POLR3A: variants seen among roughly 807,000 people sequenced by gnomAD.
The protein encoded by POLR3A is DNA-directed RNA polymerase III subunit RPC1.
POLR3A carries 112 observed loss-of-function variants against 152.8 expected under a neutral mutation model. That is an observed-to-expected ratio of 0.73 (90% CI 0.63 to 0.86). The LOEUF is 0.86. Among genes scored for constraint, POLR3A ranks in the 40% least tolerant of loss-of-function variants. The pLI, the probability that POLR3A is intolerant of heterozygous loss-of-function variation, is 0.00. For missense variants in POLR3A, 1,385 were observed against 1,743.1 expected (o/e 0.79, Z 3.66); for synonymous variants, 615 against 652.1 (o/e 0.94, Z 0.87).
rs1847096907 is a variant in POLR3A at position 77,977,151 on chromosome 10, TG to T, written c.*326del. The T allele has an allele frequency of 5.3e-6, 2 of 376,878 alleles. No individual in the cohort carries two copies. Among genetic ancestry groups the T allele is most frequent in the South Asian group, 4.6e-5 (2 of 43,800 alleles). 23.3% of individuals were successfully genotyped at this position (376,878 alleles called of 1,614,324 possible). On this transcript the variant is annotated 3_prime_UTR_variant, in exon 31 of 31. Coordinates refer to ENST00000372371, the MANE Select transcript of POLR3A (RefSeq NM_007055.4). Reference sequence around the variant, plus strand: ...GAGCCGATGGATGTATGCAGTGAGCTGGGATGGACCATGACACCTGGCTGGG... The same window carrying T: ...GAGCCGATGGATGTATGCAGTGAGCTGGATGGACCATGACACCTGGCTGGG...
chr10:78,000,609 T>C (rs980896310), intron 18 of POLR3A, among the ~76,000 whole-genome samples: 1 of 152,264 alleles, frequency 6.6e-6, no homozygotes, highest in Non-Finnish European at 1.5e-5. Flanking sequence ...AGCTCTGTGA[T>C]TAACAGTCAC....
intron 16 of POLR3A, 78 bp from the exon 17 acceptor site, chr10:78,002,386 A>T (rs1454456174): frequency 2.2e-5 from 22 of 992,664 alleles, no homozygotes; most frequent in Non-Finnish European, 3.1e-5. Context: ...CTAACATTTA[A>T]AGAAATTTGA....
intron 29 of POLR3A, among the ~76,000 whole-genome samples, 179 bp from the exon 30 acceptor site, chr10:77,980,452 G>A (rs1400364851): frequency 6.6e-6 from 1 of 151,968 alleles, no homozygotes; most frequent in Non-Finnish European, 1.5e-5. Flanking sequence ...GTCAATCGTC[G>A]GCAACATGAA....
Position 77,980,331 on chromosome 10 carries a change from C to A in POLR3A, c.3892-58G>T, listed in dbSNP as rs1847128554. 22 of 1,569,994 alleles carry A rather than the reference C, an allele frequency of 1.4e-5. No homozygotes were observed. In the East Asian group the frequency reaches 4.9e-4, roughly 35 times the overall value. On this transcript the variant is annotated intron_variant, in intron 29 of 30. Transcript: ENST00000372371. Reference sequence around the variant, plus strand: ...TCACACCAATGGCAAAAGCTCGAAACCAAAGCACGGTGCACCTTCAATACA... The same window carrying A: ...TCACACCAATGGCAAAAGCTCGAAAACAAAGCACGGTGCACCTTCAATACA...
At position 78,000,990 on chromosome 10, in the gene POLR3A, C is replaced by T; in HGVS notation, c.2464G>A (p.Glu822Lys). The T allele has an allele frequency of 6.3e-7, 1 of 1,587,474 alleles. No individual in the cohort carries two copies. ...CTACTGCTTACCTTTGAGTGTTTTT[C>T]AAAATGAGGCAAGGACCTGTTTTCA... Reference protein sequence around the residue: ...GFENRSLPHFEKHSKLPAAKG... With the variant: ...GFENRSLPHFKKHSKLPAAKG... The change falls in exon 18 of 31, where the codon GAA becomes AAA. Residue 822 changes from glutamate (E) to lysine (K), a missense_variant. By Grantham distance (56) the Glu-to-Lys change is moderately conservative. Around this residue, in one of 7 missense-constraint regions of POLR3A, gnomAD observed 170 missense variants for 231.2 expected, o/e 0.74. Coordinates refer to ENST00000372371, the MANE Select transcript of POLR3A (RefSeq NM_007055.4).
chr10:77,984,220 T>A lies in POLR3A; in HGVS notation c.3321A>T (p.Lys1107Asn). 1 of 1,606,980 alleles carries A rather than the reference T, an allele frequency of 6.2e-7. No homozygotes were observed. Among genetic ancestry groups the A allele is most frequent in the East Asian group, 2.2e-5 (1 of 44,856 alleles). ...YARLVKGRIE[K>N]TLLGEISEYI... ...TTCTTCTTACCTCTCCCAAGAGGGTTTTCTCAATTCTCCCTTTCACGAGGC... is the reference window on the plus strand; with the variant it reads ...TTCTTCTTACCTCTCCCAAGAGGGTATTCTCAATTCTCCCTTTCACGAGGC... The change falls in exon 25 of 31, where the codon AAA becomes AAT. Residue 1107 changes from lysine to asparagine, a missense_variant. Coordinates refer to ENST00000372371, the MANE Select transcript of POLR3A (RefSeq NM_007055.4).
At chr10:78,017,519 G>A in intron 10 of POLR3A, 56 bp downstream of exon 10, 2 of 1,555,742 alleles carry the variant, frequency 1.3e-6, no homozygotes, top group South Asian at 1.1e-5. Context: ...GTTTAGCACT[G>A]AACAGTCATG....
In POLR3A at chr10:78,011,201, T is replaced by C. The variant is rs77615411; in HGVS notation, c.1573-661A>G. Among the ~76,000 whole-genome samples, 465 of 152,302 alleles carry C rather than the reference T, an allele frequency of 3.1e-3. 4 individuals are homozygous for C. Among genetic ancestry groups the C allele is most frequent in the African/African-American group, 9.6e-3 (399 of 41,574 alleles). ...AAAGAAAATTCATTTCTGTGAATGATGAGGAGCGTTGTGACCTCTGAAGTC... is the reference window on the plus strand; with the variant it reads ...AAAGAAAATTCATTTCTGTGAATGACGAGGAGCGTTGTGACCTCTGAAGTC... On this transcript the variant is annotated intron_variant, in intron 11 of 30. Coordinates refer to ENST00000372371, the MANE Select transcript of POLR3A (RefSeq NM_007055.4).
chr10:77,983,105 T>C (rs556088145), intron 26 of POLR3A, among the ~76,000 whole-genome samples: 5 of 152,310 alleles, frequency 3.3e-5, no homozygotes, highest in African/African-American at 1.2e-4. Flanking sequence ...TGGGAAGCTC[T>C]AGGGAGGCTG....
At chr10:77,993,915 A>C (rs1048976052) in intron 19 of POLR3A, among the ~76,000 whole-genome samples, 2 of 152,230 alleles carry the variant, frequency 1.3e-5, no homozygotes, top group South Asian at 4.1e-4. Context: ...CACTCCAGCC[A>C]GCAATGCTAT....
intron 5 of POLR3A, among the ~76,000 whole-genome samples, chr10:78,022,923 C>T (rs1302313318): frequency 2.6e-5 from 4 of 151,992 alleles, no homozygotes; most frequent in African/African-American, 9.7e-5. Context: ...TTTGGAAGGC[C>T]GAGGTAGGTA....
At chr10:77,991,821 T>C (rs1320918268) in intron 20 of POLR3A, among the ~76,000 whole-genome samples, 1 of 152,172 alleles carries the variant, frequency 6.6e-6, no homozygotes, top group Non-Finnish European at 1.5e-5. Context: ...CCCAGCAGAA[T>C]TTCCTCTTTT....
chr10:78,002,535 T>G (rs1189120990), intron 16 of POLR3A, among the ~76,000 whole-genome samples: 1 of 152,206 alleles, frequency 6.6e-6, no homozygotes, highest in African/African-American at 2.4e-5. Context: ...GTTTATCTTT[T>G]TTTTGTTTTT....
At chr10:77,986,407 A>G (rs1847199027) in intron 21 of POLR3A, among the ~76,000 whole-genome samples, 1 of 151,994 alleles carries the variant, frequency 6.6e-6, no homozygotes, top group Non-Finnish European at 1.5e-5. Context: ...TTCTCCTCCA[A>G]CTGCTCTCAT....
chr10:78,024,511 G>A, intron 5 of POLR3A, 38 bp downstream of exon 5: 4 of 1,608,872 alleles, frequency 2.5e-6, no homozygotes, highest in South Asian at 1.1e-5. Context: ...AGGCAGGCGG[G>A]AGGCAGGCGG....
chr10:78,024,811 A>T, intron 4 of POLR3A, 108 bp from the exon 5 acceptor site: 1 of 1,333,706 alleles, frequency 7.5e-7, no homozygotes, highest in Non-Finnish European at 1.1e-6. Context: ...GCAATGAAAG[A>T]TGAGAGGTCC....
At chr10:78,005,211 T>C (rs1355770295) in intron 15 of POLR3A, among the ~76,000 whole-genome samples, 7 of 152,220 alleles carry the variant, frequency 4.6e-5, no homozygotes, top group Non-Finnish European at 1.0e-4. Context: ...AAGGGTGGCC[T>C]GAGGGCTGGG....
At position 77,993,432 on chromosome 10, in the gene POLR3A, G is replaced by T. The variant is rs1467004591; in HGVS notation, c.2617-65C>A. 5 of 1,210,138 alleles carry T rather than the reference G, an allele frequency of 4.1e-6. No homozygotes were observed. In the African/African-American group the frequency reaches 4.5e-5, roughly 11 times the overall value. The allele number at this position is 1,210,138 out of a possible 1,614,324, so 75.0% of individuals were successfully genotyped here. A position where few individuals can be genotyped will look rare whatever the true frequency, so the allele number is the denominator to read the frequency against. The stretch of plus-strand genomic sequence containing the variant: ...GACTAGTCACATGGGGAGAGGATAA[G>T]ATTTGCAACTCAAGAGTCTCAAGGT... On this transcript the variant is annotated intron_variant, in intron 19 of 30. Transcript: ENST00000372371.
chr10:77,983,957 T>C lies in POLR3A; in HGVS notation c.3392A>G (p.Lys1131Arg), dbSNP rs138305578. The C allele has an allele frequency of 1.1e-5, 17 of 1,612,722 alleles. No homozygotes were observed. The African/African-American group carries it at 2.3e-4, about 22-fold the overall frequency. Residue 1131 changes from lysine to arginine, a missense_variant, in exon 26 of 31, where the codon AAG (lysine) becomes AGG (arginine). Transcript: ENST00000372371. ...AAGCCTAATCCGTTCCAGGGAGAGC[T>C]TGACGAGAATAAAGCAGTCATCAGG... is the stretch of plus-strand genomic sequence containing the variant. ...FLPDDCFILV[K>R]LSLERIRLLR... is the part of the protein sequence containing the mutation.
Sources: gnomAD v4.1 joint callset for allele counts (sites outside exome capture counted in the v4.1 genomes callset) on GRCh38, gnomAD v4.1.1 for gene constraint, gnomAD v4.1.1 regional missense constraint, MANE v1.5 for transcripts, NCBI Gene and HGNC (gene_info 2026-07-23, HGNC 2026-07-21) for gene names.